The following MYO5A variants were observed in gnomAD, a reference collection of about 807,000 sequenced individuals.
MYO5A encodes myosin VA, also known as unconventional myosin-Va.
A neutral mutation model predicts 249.7 loss-of-function variants in MYO5A; 98 were observed. The observed-to-expected ratio is 0.39, with a 90% confidence interval of 0.33 to 0.46. The LOEUF (loss-of-function observed/expected upper bound fraction) is 0.46, where lower values mean the gene tolerates loss of function less well. Ranked by LOEUF, MYO5A falls within the 20% of genes least tolerant of loss-of-function variation. The pLI is 0.98. For synonymous variants in MYO5A, 778 were observed against 810.6 expected, an observed-to-expected ratio of 0.96 and a Z score of 0.68; for missense variants, 1,696 against 2,308.8, an observed-to-expected ratio of 0.73 and a Z score of 5.44.
chr15:52,310,705 T>G lies in MYO5A; in HGVS notation c.*2991A>C. 6.6e-6 allele frequency: 1 copy of G among 150,686 alleles called. No homozygotes were observed. Among genetic ancestry groups the G allele is most frequent in the African/African-American group, 2.5e-5 (1 of 40,788 alleles). 9.3% of individuals were successfully genotyped at this position (150,686 alleles called of 1,614,324 possible). On this transcript the variant is annotated 3_prime_UTR_variant, in exon 42 of 42. Transcript: ENST00000399233. Reference sequence around the variant, plus strand: ...GATTAAGTTGAGGGAAGGGGAAGAGTGAATGAGTAGGGGAAAGGCTGGCAG... The same window carrying G: ...GATTAAGTTGAGGGAAGGGGAAGAGGGAATGAGTAGGGGAAAGGCTGGCAG...
intron 1 of MYO5A, among the ~76,000 whole-genome samples, chr15:52,433,513 T>A (rs1274730352): frequency 1.4e-5 from 2 of 147,938 alleles, no homozygotes; most frequent in Non-Finnish European, 3.0e-5. Flanking sequence ...CTCTGCCTCC[T>A]GGGTTCAAGC....
intron 4 of MYO5A, among the ~76,000 whole-genome samples, chr15:52,418,983 A>T (rs1433083179): frequency 6.6e-6 from 1 of 152,224 alleles, no homozygotes; most frequent in Non-Finnish European, 1.5e-5. Context: ...ATCTTCCAAG[A>T]TCATCAACTT....
chr15:52,430,117 G>T (rs557936283), intron 2 of MYO5A, among the ~76,000 whole-genome samples: 1 of 152,160 alleles, frequency 6.6e-6, no homozygotes, highest in African/African-American at 2.4e-5. Context: ...ATATTTGAAC[G>T]AATTATGCTA....
Position 52,312,848 on chromosome 15 carries a change from T to C in MYO5A, c.*848A>G, listed in dbSNP as rs2037827014. On this transcript the variant is annotated 3_prime_UTR_variant, in exon 42 of 42. Coordinates refer to ENST00000399233, the MANE Select transcript of MYO5A (RefSeq NM_001382347.1). ...CCTGAATAAATAATGACATCAACAA[T>C]AGCCACTTTGTCTAATCCTACCCCT... The C allele has an allele frequency of 6.6e-6, 1 of 152,250 alleles. No individual in the cohort carries two copies. The highest frequency in any genetic ancestry group is 2.4e-5 in the African/African-American group (1 of 41,450). The allele number at this position is 152,250 out of a possible 1,614,324, so 9.4% of individuals were successfully genotyped here. A position where few individuals can be genotyped will look rare whatever the true frequency, so the allele number is the denominator to read the frequency against.
intron 30 of MYO5A, among the ~76,000 whole-genome samples, 188 bp from the exon 31 acceptor site, chr15:52,343,385 A>G (rs1328413955): frequency 6.6e-6 from 1 of 152,270 alleles, no homozygotes; most frequent in Non-Finnish European, 1.5e-5. Flanking sequence ...AACATGTAGC[A>G]TCACATGTAA....
rs139346850 is a variant in MYO5A, at chr15:52,457,946, G to A, written c.28-24661C>T. 9.2e-5 allele frequency among the ~76,000 whole-genome samples: 14 copies of A among 151,824 alleles called. No individual in the cohort carries two copies. In the East Asian group the frequency reaches 2.7e-3, roughly 30 times the overall value. On this transcript the variant is annotated intron_variant, in intron 1 of 41. Coordinates refer to ENST00000399233, the MANE Select transcript of MYO5A (RefSeq NM_001382347.1). ...CCATAAAAAAGAATAAAATCTTGTCGTTGCAGCAGCATGGATGAAACTGGA... is the reference window on the plus strand; with the variant it reads ...CCATAAAAAAGAATAAAATCTTGTCATTGCAGCAGCATGGATGAAACTGGA...
At chr15:52,496,810 A>C (rs951645042) in intron 1 of MYO5A, among the ~76,000 whole-genome samples, 2 of 152,230 alleles carry the variant, frequency 1.3e-5, no homozygotes, top group African/African-American at 4.8e-5. Flanking sequence ...TGCCTCCCTC[A>C]GTCAACCCCA....
chr15:52,524,710 T>C (rs1468134862), intron 1 of MYO5A, among the ~76,000 whole-genome samples: 2 of 151,922 alleles, frequency 1.3e-5, no homozygotes, highest in East Asian at 1.9e-4. Flanking sequence ...AGACTATCTC[T>C]AGAAGAAATT....
chr15:52,383,647 A>T (rs534639498), intron 15 of MYO5A, among the ~76,000 whole-genome samples: 2 of 152,352 alleles, frequency 1.3e-5, no homozygotes, highest in African/African-American at 4.8e-5. Context: ...TAGGATCAGG[A>T]CTGGAGGCTG....
At chr15:52,368,076 A>G (rs77453878) in intron 22 of MYO5A, among the ~76,000 whole-genome samples, 1,728 of 152,318 alleles carry the variant, frequency 0.011, 37 homozygotes, top group African/African-American at 0.04. Context: ...TTTCTAAGCT[A>G]AAGTTTAAGG....
intron 14 of MYO5A, among the ~76,000 whole-genome samples, chr15:52,386,082 C>T (rs1354058110): frequency 6.6e-6 from 1 of 152,006 alleles, no homozygotes; most frequent in Non-Finnish European, 1.5e-5. Context: ...TTTGGGAGGC[C>T]GAGGTGGGTG....
At chr15:52,456,320 A>C (rs2076118534) in intron 1 of MYO5A, among the ~76,000 whole-genome samples, 1 of 152,198 alleles carries the variant, frequency 6.6e-6, no homozygotes, top group South Asian at 2.1e-4. Context: ...AAGAGGACAC[A>C]CAAAAACATG....
intron 6 of MYO5A, among the ~76,000 whole-genome samples, chr15:52,409,057 T>A (rs140007020): frequency 6.6e-6 from 1 of 152,140 alleles, no homozygotes; most frequent in Admixed American, 6.6e-5. Flanking sequence ...CTTTTCTGAT[T>A]GTGTGACTCA....
chr15:52,380,026 A>C lies in MYO5A; in HGVS notation c.2013-118T>G. 2.1e-5 allele frequency: 21 copies of C among 1,013,240 alleles called. No homozygotes were observed. In the South Asian group the frequency reaches 2.8e-4, roughly 14 times the overall value. The allele number at this position is 1,013,240 out of a possible 1,614,324, so 62.8% of individuals were successfully genotyped here. Reference sequence around the variant, plus strand: ...GAGCAAAATGGATAAATCAGAAAAGAAAGCTTTCAGAAGTCGGAGCAGTGA... The same window carrying C: ...GAGCAAAATGGATAAATCAGAAAAGCAAGCTTTCAGAAGTCGGAGCAGTGA... On this transcript the variant is annotated intron_variant, in intron 16 of 41. Coordinates refer to ENST00000399233, the MANE Select transcript of MYO5A (RefSeq NM_001382347.1).
At position 52,311,746 on chromosome 15, in the gene MYO5A, A is replaced by C. The variant is rs1403889402; in HGVS notation, c.*1950T>G. Reference sequence around the variant, plus strand: ...AGTAACTGCAGCTTTTTCTCTCTAGAATCTAAGGGCTGAGAAGAGAGAATT... The same window carrying C: ...AGTAACTGCAGCTTTTTCTCTCTAGCATCTAAGGGCTGAGAAGAGAGAATT... On this transcript the variant is annotated 3_prime_UTR_variant, in exon 42 of 42. Transcript: ENST00000399233. 1 of 152,452 alleles carries C rather than the reference A, an allele frequency of 6.6e-6. No homozygotes were observed. The highest frequency in any genetic ancestry group is 1.5e-5 in the Non-Finnish European group (1 of 68,020). 9.4% of individuals were successfully genotyped at this position (152,452 alleles called of 1,614,324 possible).
At chr15:52,378,329 T>C (rs2041535409) in intron 18 of MYO5A, among the ~76,000 whole-genome samples, 1 of 151,726 alleles carries the variant, frequency 6.6e-6, no homozygotes, top group African/African-American at 2.4e-5. Context: ...AAGACCAGCC[T>C]GGCCAACATG....
intron 6 of MYO5A, among the ~76,000 whole-genome samples, chr15:52,408,877 G>C (rs983354516): frequency 2.0e-5 from 3 of 152,168 alleles, no homozygotes; most frequent in Non-Finnish European, 1.5e-5. Context: ...GTCTGGAAAA[G>C]AAAACCTATT....
At chr15:52,336,921 G>A (rs541750638) in intron 33 of MYO5A, among the ~76,000 whole-genome samples, 1 of 152,266 alleles carries the variant, frequency 6.6e-6, no homozygotes, top group Admixed American at 6.5e-5. Flanking sequence ...TTTGATGAAT[G>A]CACAAAAAGG....
intron 13 of MYO5A, 71 bp downstream of exon 13, chr15:52,389,167 T>C (rs374677805): frequency 3.4e-6 from 5 of 1,489,246 alleles, no homozygotes; most frequent in Non-Finnish European, 1.8e-6. Flanking sequence ...AAAAAAAAGA[T>C]ACCTCCTGAC....
Sources: allele counts gnomAD v4.1 joint callset (sites outside exome capture counted in the v4.1 genomes callset), GRCh38; gene constraint gnomAD v4.1.1; transcripts MANE v1.5; gene names NCBI Gene and HGNC (gene_info 2026-07-23, HGNC 2026-07-21).